Variants in COMMD1 observed in about 807,000 individuals in gnomAD.
COMMD1 encodes the protein COMM domain-containing protein 1.
In COMMD1, 10 loss-of-function variants were observed where a neutral mutation model predicts 17.2. The observed-to-expected ratio is 0.58, with a 90% CI of 0.36 to 0.99. The LOEUF is 0.99. Among genes scored for constraint, COMMD1 ranks in the 50% least tolerant of loss-of-function variants. COMMD1 has a pLI of 0.01. For missense variants in COMMD1, 270 were observed against 231.8 expected, an observed-to-expected ratio of 1.17 and a Z score of -1.07; for synonymous variants, 97 against 91.6, an observed-to-expected ratio of 1.06 and a Z score of -0.34.
chr2:62,071,534 A>C (rs1171124901), intron 2 of COMMD1, among the ~76,000 whole-genome samples: 4 of 152,194 alleles, frequency 2.6e-5, no homozygotes, highest in Non-Finnish European at 4.4e-5. Context: ...GGCCGTATTC[A>C]AGATGGAGTC....
upstream of COMMD1, among the ~76,000 whole-genome samples, chr2:61,905,020 A>T (rs1232770922): frequency 6.6e-6 from 1 of 152,130 alleles, no homozygotes; most frequent in Non-Finnish European, 1.5e-5. Flanking sequence ...ACTTTATTCC[A>T]TTTTATGGCT....
rs1414452268 is a variant in COMMD1 at position 62,133,706 on chromosome 2, G to T, written c.463-2125G>T. 5.9e-5 allele frequency among the ~76,000 whole-genome samples: 9 copies of T among 152,246 alleles called. No individual in the cohort carries two copies. The East Asian group carries it at 1.7e-3, about 29-fold the overall frequency. ...AAATTATGGGAATTAAGTATATGGTGAATCTAATAGTAGATAAGAGTTATT... is the reference window on the plus strand; with the variant it reads ...AAATTATGGGAATTAAGTATATGGTTAATCTAATAGTAGATAAGAGTTATT... On this transcript the variant is annotated intron_variant, in intron 2 of 2. Transcript: ENST00000311832.
intron 2 of COMMD1, among the ~76,000 whole-genome samples, chr2:62,024,727 A>G (rs954225699): frequency 6.6e-6 from 1 of 152,088 alleles, no homozygotes; most frequent in Admixed American, 6.6e-5. Flanking sequence ...AATTCAGAAT[A>G]TTTGCCTTAT....
chr2:61,970,559 A>T (rs1226867030), intron 1 of COMMD1, among the ~76,000 whole-genome samples: 1 of 149,616 alleles, frequency 6.7e-6, no homozygotes, highest in Admixed American at 6.6e-5. Flanking sequence ...GAATAATGAT[A>T]AAAAAAAGTT....
intron 1 of COMMD1, among the ~76,000 whole-genome samples, chr2:61,956,897 C>T (rs1671212485): frequency 6.6e-6 from 1 of 151,832 alleles, no homozygotes; most frequent in East Asian, 1.9e-4. Flanking sequence ...ACCACAGATG[C>T]ATGCCACCAT....
intron 1 of COMMD1, among the ~76,000 whole-genome samples, chr2:61,932,747 G>A (rs1170841950): frequency 6.6e-6 from 1 of 152,220 alleles, no homozygotes; most frequent in African/African-American, 2.4e-5. Flanking sequence ...CCCCTTGCAT[G>A]AGGGAGCACA....
At chr2:62,041,882 G>A (rs768584671) in intron 2 of COMMD1, among the ~76,000 whole-genome samples, 3 of 152,192 alleles carry the variant, frequency 2.0e-5, no homozygotes, top group Admixed American at 1.3e-4. Context: ...TCATAAAGGC[G>A]ATGCAGACCC....
chr2:61,989,595 G>T (rs1406067424), intron 1 of COMMD1, among the ~76,000 whole-genome samples: 1 of 151,914 alleles, frequency 6.6e-6, no homozygotes. Context: ...AAGTAGCTGG[G>T]ATTACAGGCA....
chr2:61,918,722 C>G (rs1257782078), intron 1 of COMMD1: 1 of 152,150 alleles, frequency 6.6e-6, no homozygotes, highest in African/African-American at 2.4e-5. Flanking sequence ...GTAAATGTCA[C>G]TGTCCCTATC....
chr2:61,982,061 G>C (rs1248867164), intron 1 of COMMD1, among the ~76,000 whole-genome samples: 1 of 152,168 alleles, frequency 6.6e-6, no homozygotes, highest in South Asian at 2.1e-4. Flanking sequence ...CATTGAATCT[G>C]TAGATTGCTT....
upstream of COMMD1, among the ~76,000 whole-genome samples, chr2:61,901,088 A>G (rs539364778): frequency 2.5e-3 from 387 of 152,024 alleles, 1 homozygote; most frequent in Admixed American, 4.8e-3. Context: ...CTGGGATTAC[A>G]GGCACCTGCC....
At chr2:61,919,490 A>AT (rs112361188) in intron 1 of COMMD1, among the ~76,000 whole-genome samples, 1,302 of 114,736 alleles carry the variant, frequency 0.011, 13 homozygotes, top group South Asian at 0.036. Context: ...TAATTTTTGT[A>AT]TTTTTTTTTT....
At chr2:61,913,527 T>G (rs1558519365) in intron 1 of COMMD1, among the ~76,000 whole-genome samples, 1 of 151,124 alleles carries the variant, frequency 6.6e-6, no homozygotes, top group East Asian at 2.0e-4. Context: ...CTACTAAAAG[T>G]TGGCTCTACT....
chr2:62,126,518 G>A (rs984304223), intron 2 of COMMD1, among the ~76,000 whole-genome samples: 1 of 152,190 alleles, frequency 6.6e-6, no homozygotes, highest in Non-Finnish European at 1.5e-5. Flanking sequence ...TTTCTCTAAT[G>A]ATCAGTGACA....
chr2:61,990,939 C>T (rs905590395), intron 1 of COMMD1, among the ~76,000 whole-genome samples: 1 of 149,614 alleles, frequency 6.7e-6, no homozygotes, highest in Non-Finnish European at 1.5e-5. Flanking sequence ...CACACACACA[C>T]ATAATGCCAG....
intron 2 of COMMD1, chr2:62,100,270 C>A (rs1672139682): frequency 3.3e-5 from 5 of 152,178 alleles, no homozygotes; most frequent in Admixed American, 3.3e-4. Flanking sequence ...TTAGGCAACT[C>A]CTTCAGGGTC....
At chr2:61,925,403 T>C (rs1200083686) in intron 1 of COMMD1, among the ~76,000 whole-genome samples, 1 of 151,996 alleles carries the variant, frequency 6.6e-6, no homozygotes, top group Non-Finnish European at 1.5e-5. Context: ...GAGGGGAGTT[T>C]GAGGGAGTTC....
intron 1 of COMMD1, among the ~76,000 whole-genome samples, chr2:61,912,645 G>A (rs1345696499): frequency 6.6e-6 from 1 of 150,996 alleles, no homozygotes; most frequent in African/African-American, 2.4e-5. Flanking sequence ...TGAGGCAGGA[G>A]AATTGCTTGA....
intron 2 of COMMD1, among the ~76,000 whole-genome samples, chr2:62,111,922 G>A (rs1483212339): frequency 1.3e-5 from 2 of 152,094 alleles, no homozygotes; most frequent in East Asian, 1.9e-4. Context: ...AGTGAGAGAG[G>A]TTGGGAAGCA....
Sources: gnomAD v4.1 joint callset for allele counts (sites outside exome capture counted in the v4.1 genomes callset) on GRCh38, gnomAD v4.1.1 for gene constraint, MANE v1.5 for transcripts, NCBI Gene and HGNC (gene_info 2026-07-23, HGNC 2026-07-21) for gene names.